The following SLC24A2 variants were observed in gnomAD, a reference collection of about 807,000 sequenced individuals.
SLC24A2 encodes solute carrier family 24 member 2.
Under a neutral mutation model 62.0 loss-of-function variants are expected in SLC24A2, and 36 were observed. The observed-to-expected ratio is 0.58, with a 90% CI of 0.44 to 0.77. The LOEUF (loss-of-function observed/expected upper bound fraction) is 0.77. Ranked by LOEUF, SLC24A2 falls within the 30% of genes least tolerant of loss-of-function variation. SLC24A2 has a pLI of 0.00. For synonymous variants in SLC24A2, 358 were observed against 294.0 expected (o/e 1.22, Z -2.23); for missense variants, 846 against 817.9 (o/e 1.03, Z -0.42).
Position 19,516,348 on chromosome 9 carries a change from A to C in SLC24A2, c.1791T>G (p.Ala597=). 1 of 1,614,148 alleles carries C rather than the reference A, an allele frequency of 6.2e-7. No individual in the cohort carries two copies. The highest frequency in any genetic ancestry group is 2.2e-5 in the East Asian group (1 of 44,874). ...YTVIHRFQPV[A]VSSNGLFCAI... is the part of the protein sequence containing the mutation. ...CACAGAAAAGGCCATTGCTGCTGAC[A>C]GCCACTGGCTGGAATCTGTGAATGA... is the stretch of plus-strand genomic sequence containing the variant. Residue 597 remains alanine, a synonymous_variant, in exon 11 of 11, where the codon GCT becomes GCG. Transcript: ENST00000341998.
At chr9:19,842,423 G>A in the SLC24A2 span, among the ~76,000 whole-genome samples, 1 of 152,274 alleles carries the variant, frequency 6.6e-6, no homozygotes, top group African/African-American at 2.4e-5. Flanking sequence ...TGAAAAGAAT[G>A]GGCTCTATTA....
At chr9:20,149,963 C>G in the SLC24A2 span, among the ~76,000 whole-genome samples, 2 of 152,012 alleles carry the variant, frequency 1.3e-5, no homozygotes, top group African/African-American at 2.4e-5. Flanking sequence ...TCCCTAGGAA[C>G]ATGGTAGCAT....
chr9:20,118,075 A>G, the SLC24A2 span, among the ~76,000 whole-genome samples: 2 of 152,164 alleles, frequency 1.3e-5, no homozygotes, highest in African/African-American at 4.8e-5. Context: ...CTAGTGCCCA[A>G]TCTGCCTTAG....
the SLC24A2 span, among the ~76,000 whole-genome samples, chr9:19,988,946 T>A: frequency 6.6e-6 from 1 of 152,194 alleles, no homozygotes; most frequent in Non-Finnish European, 1.5e-5. Context: ...AGACATTAGA[T>A]TTTCTTTTAG....
chr9:19,934,371 G>A, the SLC24A2 span, among the ~76,000 whole-genome samples: 2 of 152,142 alleles, frequency 1.3e-5, no homozygotes, highest in Non-Finnish European at 2.9e-5. This position sits in a 1 kb window ranked among gnomAD's most constrained non-coding sequence, Gnocchi z 4.1. Flanking sequence ...TTTCCAAAGC[G>A]GCCTCCATGG....
the SLC24A2 span, among the ~76,000 whole-genome samples, chr9:20,296,049 A>G: frequency 6.6e-6 from 1 of 152,170 alleles, no homozygotes; most frequent in African/African-American, 2.4e-5. Flanking sequence ...TGTTCCCTCT[A>G]ATTTAATTGT....
chr9:20,096,078 T>A, the SLC24A2 span, among the ~76,000 whole-genome samples: 1 of 142,036 alleles, frequency 7.0e-6, no homozygotes, highest in African/African-American at 3.0e-5. Flanking sequence ...TATCCATCCA[T>A]CCATCCATCC....
chr9:19,663,121 A>G (rs1387330505), intron 2 of SLC24A2, among the ~76,000 whole-genome samples: 1 of 152,216 alleles, frequency 6.6e-6, no homozygotes, highest in Non-Finnish European at 1.5e-5. Context: ...CTGGAATAGG[A>G]AAGGGAAAGA....
chr9:19,886,445 A>G, the SLC24A2 span, among the ~76,000 whole-genome samples: 1 of 152,180 alleles, frequency 6.6e-6, no homozygotes, highest in Non-Finnish European at 1.5e-5. Context: ...GCAAACAAAC[A>G]TATGAAAAAA....
the SLC24A2 span, among the ~76,000 whole-genome samples, chr9:19,922,848 A>G: frequency 6.6e-6 from 1 of 152,180 alleles, no homozygotes; most frequent in Admixed American, 6.5e-5. Flanking sequence ...ACTTGAATGC[A>G]TGAGGATTTT....
At chr9:20,148,284 G>A in the SLC24A2 span, among the ~76,000 whole-genome samples, 1 of 151,958 alleles carries the variant, frequency 6.6e-6, no homozygotes, top group East Asian at 1.9e-4. Context: ...GACATAGAAT[G>A]GTCAATGATT....
At chr9:20,229,997 C>T in the SLC24A2 span, among the ~76,000 whole-genome samples, 4 of 149,438 alleles carry the variant, frequency 2.7e-5, no homozygotes, top group Non-Finnish European at 5.9e-5. Flanking sequence ...GGTTTTTTGT[C>T]CTTGTGATAG....
chr9:19,572,371 C>G (rs4977564), intron 7 of SLC24A2, among the ~76,000 whole-genome samples: 14 of 151,826 alleles, frequency 9.2e-5, no homozygotes, highest in African/African-American at 3.1e-4. Context: ...CCACCCAAAT[C>G]TCATCTCAAA....
At chr9:20,033,312 T>C in the SLC24A2 span, among the ~76,000 whole-genome samples, 1 of 152,204 alleles carries the variant, frequency 6.6e-6, no homozygotes, top group African/African-American at 2.4e-5. Context: ...CATTTAATTG[T>C]TCTAAGCCTC....
the SLC24A2 span, among the ~76,000 whole-genome samples, chr9:20,038,632 C>CAAAA: frequency 9.2e-6 from 1 of 108,686 alleles, no homozygotes; most frequent in Non-Finnish European, 2.0e-5. Flanking sequence ...AAGAAACAAA[C>CAAAA]AAAAAAAAAA....
chr9:20,204,565 T>C, the SLC24A2 span, among the ~76,000 whole-genome samples: 2 of 152,102 alleles, frequency 1.3e-5, no homozygotes, highest in Non-Finnish European at 2.9e-5. Flanking sequence ...GTCGTACTGG[T>C]GTTGCAAAAG....
In SLC24A2 at chr9:19,531,365, C is replaced by A. The variant is rs548547293; in HGVS notation, c.1480-3227G>T. ...GAAGGAAGAAAATAGCTCTTGGAGC[C>A]AAGGTCTAACATGACAATTTATGGT... On this transcript the variant is annotated intron_variant, in intron 8 of 10. Transcript: ENST00000341998. Among the ~76,000 whole-genome samples, 7 of 152,242 alleles carry A rather than the reference C, an allele frequency of 4.6e-5. No homozygotes were observed. The South Asian group carries it at 1.5e-3, about 32-fold the overall frequency.
At chr9:19,659,631 TC>T (rs1260046615) in intron 2 of SLC24A2, among the ~76,000 whole-genome samples, 1 of 152,142 alleles carries the variant, frequency 6.6e-6, no homozygotes, top group African/African-American at 2.4e-5. Context: ...TTATATTAAC[TC>T]CCTTAGTGCC....
intron 2 of SLC24A2, among the ~76,000 whole-genome samples, chr9:19,637,333 CATCAGGCACCAATGGTG>C (rs1340853884): frequency 3.3e-5 from 5 of 152,226 alleles, no homozygotes; most frequent in African/African-American, 1.2e-4. Flanking sequence ...CTGCCCTGGG[CATCAGGCACCAATGGTG>C]CCCAACTGTG....
Sources: gnomAD v4.1 joint callset for allele counts (sites outside exome capture counted in the v4.1 genomes callset) on GRCh38, gnomAD v4.1.1 for gene constraint, Gnocchi (gnomAD v3.1) non-coding constraint, MANE v1.5 for transcripts, NCBI Gene and HGNC (gene_info 2026-07-23, HGNC 2026-07-21) for gene names.